The following GLRA2 variants were observed in gnomAD, a reference collection of about 807,000 sequenced individuals.
The protein encoded by GLRA2 is glycine receptor alpha 2, also known as glycine receptor subunit alpha-2.
A neutral mutation model predicts 31.6 loss-of-function variants in GLRA2; 11 were observed. That is an observed-to-expected ratio of 0.35 (90% CI 0.22 to 0.58). The LOEUF (loss-of-function observed/expected upper bound fraction) is 0.58, where lower values mean the gene tolerates loss of function less well. Among genes scored for constraint, GLRA2 ranks in the 20% least tolerant of loss-of-function variants. The pLI is 0.84. For missense variants in GLRA2, 212 were observed against 351.8 expected (o/e 0.60, Z 3.18); for synonymous variants, 132 against 134.0 (o/e 0.99, Z 0.10).
the GLRA2 span, among the ~76,000 whole-genome samples, chrX:14,490,192 G>C: frequency 1.8e-5 from 2 of 112,075 alleles, no homozygotes; most frequent in East Asian, 5.6e-4. Context: ...AAGATGGGTA[G>C]TCAGTTACAA....
the GLRA2 span, among the ~76,000 whole-genome samples, chrX:14,517,260 T>C: frequency 1.8e-5 from 2 of 112,472 alleles, no homozygotes; most frequent in Admixed American, 1.9e-4. Context: ...AGATAACTAA[T>C]AGAGATACTA....
At chrX:14,453,486 A>G in the GLRA2 span, among the ~76,000 whole-genome samples, 1 of 111,777 alleles carries the variant, frequency 8.9e-6, no homozygotes, top group African/African-American at 3.3e-5. Flanking sequence ...AAGTACATTC[A>G]ACATCTATTA....
chrX:14,483,339 G>C, the GLRA2 span, among the ~76,000 whole-genome samples: 1 of 111,899 alleles, frequency 8.9e-6, no homozygotes, highest in Non-Finnish European at 1.9e-5. Flanking sequence ...AATTATTCTA[G>C]ATCTTGACTG....
At chrX:14,627,342 T>C (rs994996038) in intron 7 of GLRA2, among the ~76,000 whole-genome samples, 6 of 111,396 alleles carry the variant, frequency 5.4e-5, no homozygotes, top group Non-Finnish European at 1.1e-4. Context: ...TGGTCTTAGA[T>C]AAGTAAATTG....
At chrX:14,523,413 T>C in the GLRA2 span, among the ~76,000 whole-genome samples, 145 of 112,216 alleles carry the variant, frequency 1.3e-3, no homozygotes, top group Non-Finnish European at 1.7e-3. Flanking sequence ...GCAGTTTCAC[T>C]TTCTTAACAT....
the GLRA2 span, among the ~76,000 whole-genome samples, chrX:14,450,211 G>A: frequency 2.9e-4 from 32 of 112,198 alleles, no homozygotes; most frequent in Non-Finnish European, 5.3e-4. Context: ...CCTGCTTGGG[G>A]ATCCTCCACC....
chrX:14,610,108 T>C (rs2090382515), intron 7 of GLRA2, among the ~76,000 whole-genome samples: 1 of 112,217 alleles, frequency 8.9e-6, no homozygotes, highest in Non-Finnish European at 1.9e-5. Flanking sequence ...GAGTTTAATT[T>C]AGGATTCAGT....
intron 8 of GLRA2, among the ~76,000 whole-genome samples, chrX:14,698,178 T>A (rs1230408499): frequency 1.8e-5 from 2 of 111,448 alleles, no homozygotes; most frequent in South Asian, 7.5e-4. Context: ...TTGTTCACCA[T>A]GGATTTTTTG....
At chrX:14,701,193 C>T (rs894400445) in intron 8 of GLRA2, among the ~76,000 whole-genome samples, 2 of 110,646 alleles carry the variant, frequency 1.8e-5, no homozygotes, top group Non-Finnish European at 3.8e-5. Flanking sequence ...AATACATCAC[C>T]AGGAACCCAC....
chrX:14,633,333 A>G (rs1186787381), intron 7 of GLRA2, among the ~76,000 whole-genome samples: 1 of 111,483 alleles, frequency 9.0e-6, no homozygotes, highest in Non-Finnish European at 1.9e-5. Flanking sequence ...CTGACTCCAC[A>G]AAAAATAAAA....
the GLRA2 span, among the ~76,000 whole-genome samples, chrX:14,493,428 G>T: frequency 9.3e-6 from 1 of 107,144 alleles, no homozygotes; most frequent in African/African-American, 3.4e-5. Flanking sequence ...TACATTCACA[G>T]ACCTTTACAC....
chrX:14,631,309 G>A (rs1336423957), intron 7 of GLRA2, among the ~76,000 whole-genome samples: 1 of 110,486 alleles, frequency 9.1e-6, no homozygotes, highest in Non-Finnish European at 1.9e-5. Context: ...CTAGCTTTTT[G>A]AACATATAGA....
chrX:14,653,710 C>T (rs757777296), intron 7 of GLRA2, among the ~76,000 whole-genome samples: 1 of 112,352 alleles, frequency 8.9e-6, no homozygotes, highest in African/African-American at 3.2e-5. Context: ...AGGATTGAAT[C>T]CAATTTTGAA....
intron 2 of GLRA2, among the ~76,000 whole-genome samples, chrX:14,536,117 A>C (rs911794368): frequency 8.9e-6 from 1 of 111,884 alleles, no homozygotes; most frequent in Admixed American, 9.5e-5. Context: ...CTAGAGACCT[A>C]AGTTAGAAAG....
intron 7 of GLRA2, among the ~76,000 whole-genome samples, chrX:14,626,459 C>T (rs1387438778): frequency 8.9e-6 from 1 of 111,836 alleles, no homozygotes; most frequent in African/African-American, 3.2e-5. Context: ...TGCCTGATTG[C>T]CCTTTCTCTT....
the GLRA2 span, among the ~76,000 whole-genome samples, chrX:14,461,941 C>T: frequency 2.0e-4 from 22 of 112,063 alleles, no homozygotes; most frequent in African/African-American, 5.8e-4. Context: ...TTCTTCATAG[C>T]GTTGATGGTC....
chrX:14,724,080 C>T (rs1249061038), intron 8 of GLRA2, among the ~76,000 whole-genome samples: 1 of 111,677 alleles, frequency 9.0e-6, no homozygotes, highest in Non-Finnish European at 1.9e-5. Flanking sequence ...AAGTCTCTTA[C>T]CTTAACTGTT....
chrX:14,464,588 G>A, the GLRA2 span, among the ~76,000 whole-genome samples: 11 of 111,536 alleles, frequency 9.9e-5, no homozygotes, highest in African/African-American at 2.0e-4. Flanking sequence ...ACGAAGTCTC[G>A]CTCTGTCACC....
intron 2 of GLRA2, among the ~76,000 whole-genome samples, chrX:14,561,931 TAATTG>T (rs770855026): frequency 2.7e-5 from 3 of 112,505 alleles, no homozygotes; most frequent in African/African-American, 9.7e-5. Flanking sequence ...AAGAATGTTT[TAATTG>T]AATTAATAAA....
Sources: gnomAD v4.1 joint callset for allele counts (sites outside exome capture counted in the v4.1 genomes callset) on GRCh38, gnomAD v4.1.1 for gene constraint, MANE v1.5 for transcripts, NCBI Gene and HGNC (gene_info 2026-07-23, HGNC 2026-07-21) for gene names.